SCN11A: variants seen among roughly 807,000 people sequenced by gnomAD.
The protein encoded by SCN11A is sodium voltage-gated channel alpha subunit 11.
In SCN11A, 122 loss-of-function variants were observed where a neutral mutation model predicts 162.2. The ratio of observed to expected loss-of-function variants is 0.75; its 90% confidence interval spans 0.65 to 0.87. The LOEUF (loss-of-function observed/expected upper bound fraction) is 0.87, where lower values mean the gene tolerates loss of function less well. Ranked by LOEUF, SCN11A falls within the 40% of genes least tolerant of loss-of-function variation. SCN11A has a pLI of 0.00. For missense variants in SCN11A, 2,015 were observed against 2,181.6 expected (o/e 0.92, Z 1.52); for synonymous variants, 758 against 751.5 (o/e 1.01, Z -0.14).
chr3:38,988,949 C>A (rs939491533), intron 2 of SCN11A, among the ~76,000 whole-genome samples: 4 of 152,156 alleles, frequency 2.6e-5, no homozygotes, highest in African/African-American at 9.7e-5. Context: ...TTTTTAAAAA[C>A]AATGGCTGCA....
chr3:38,911,886 C>T (rs991115643), intron 11 of SCN11A, among the ~76,000 whole-genome samples: 1 of 152,066 alleles, frequency 6.6e-6, no homozygotes, highest in African/African-American at 2.4e-5. Flanking sequence ...CTTTCTGGTT[C>T]TCTTGTTTTG....
At chr3:38,905,160 G>A (rs1278299900) in intron 15 of SCN11A, 32 bp downstream of exon 15, 1 of 1,613,304 alleles carries the variant, frequency 6.2e-7, no homozygotes, top group African/African-American at 1.3e-5. Flanking sequence ...CACTGAAGTA[G>A]ACTTTCCCTT....
chr3:38,931,586 T>C (rs7645777), intron 7 of SCN11A, among the ~76,000 whole-genome samples: 9,904 of 152,290 alleles, frequency 0.065, 1,042 homozygotes, highest in African/African-American at 0.22. Context: ...AGAGTGGGCA[T>C]TGCCCAGATT....
In SCN11A at chr3:38,850,466, G is replaced by A; in HGVS notation, c.4327+15C>T. 1.2e-6 allele frequency: 2 copies of A among 1,605,254 alleles called. No homozygotes were observed. The highest frequency in any genetic ancestry group is 8.5e-7 in the Non-Finnish European group (1 of 1,174,188). ...TCTGGTTCTTAAAGTCCCTCTGACT[G>A]CTGATTTTACTTACTAACAATGGAA... is the stretch of plus-strand genomic sequence containing the variant. On this transcript the variant is annotated intron_variant, in intron 29 of 29. Coordinates refer to ENST00000302328, the MANE Select transcript of SCN11A (RefSeq NM_001349253.2).
At chr3:38,928,430 T>C (rs2125555704) in intron 7 of SCN11A, among the ~76,000 whole-genome samples, 1 of 152,210 alleles carries the variant, frequency 6.6e-6, no homozygotes, top group Middle Eastern at 3.4e-3. Flanking sequence ...ATGTGGGGCT[T>C]AAAACCTAGA....
chr3:38,927,111 A>G (rs933993512), intron 7 of SCN11A, among the ~76,000 whole-genome samples, 180 bp from the exon 8 acceptor site: 2 of 152,176 alleles, frequency 1.3e-5, no homozygotes, highest in Non-Finnish European at 2.9e-5. Context: ...GGTATTTAGA[A>G]TTTCAGAGAA....
chr3:38,862,702 A>T (rs2064982975), intron 28 of SCN11A, among the ~76,000 whole-genome samples: 1 of 152,086 alleles, frequency 6.6e-6, no homozygotes, highest in African/African-American at 2.4e-5. Flanking sequence ...GAGGACATAA[A>T]GGCATAAGAA....
At chr3:38,974,002 A>C (rs978106262) in intron 2 of SCN11A, among the ~76,000 whole-genome samples, 2 of 152,246 alleles carry the variant, frequency 1.3e-5, no homozygotes, top group African/African-American at 4.8e-5. Flanking sequence ...GATTTTAGTA[A>C]AAATATCACC....
At chr3:38,953,343 A>C (rs1180191071) in intron 4 of SCN11A, among the ~76,000 whole-genome samples, 2 of 152,110 alleles carry the variant, frequency 1.3e-5, no homozygotes, top group African/African-American at 4.8e-5. Flanking sequence ...AATAATCTGT[A>C]CAACAAACCC....
At chr3:38,938,238 G>A (rs1022639315) in intron 7 of SCN11A, among the ~76,000 whole-genome samples, 6 of 151,816 alleles carry the variant, frequency 4.0e-5, no homozygotes, top group African/African-American at 1.5e-4. Flanking sequence ...TGTGGGGTGG[G>A]CGGAGTGGGG....
At chr3:38,879,897 C>T in intron 23 of SCN11A, 53 bp downstream of exon 23, 1 of 1,472,008 alleles carries the variant, frequency 6.8e-7, no homozygotes, top group African/African-American at 1.4e-5. Flanking sequence ...CCATATGATC[C>T]CTGCCTTAAC....
intron 4 of SCN11A, among the ~76,000 whole-genome samples, chr3:38,952,151 CG>C (rs1291406064): frequency 1.3e-5 from 2 of 152,024 alleles, no homozygotes; most frequent in Non-Finnish European, 2.9e-5. Flanking sequence ...CCTTAAGAGC[CG>C]TAACACTCAC....
intron 28 of SCN11A, among the ~76,000 whole-genome samples, chr3:38,861,651 T>C (rs915053964): frequency 6.6e-6 from 1 of 152,126 alleles, no homozygotes; most frequent in African/African-American, 2.4e-5. Context: ...AAGGACACCC[T>C]ATCCCACAAA....
At chr3:38,979,019 G>C (rs1000713912) in intron 2 of SCN11A, among the ~76,000 whole-genome samples, 3 of 152,178 alleles carry the variant, frequency 2.0e-5, no homozygotes, top group Non-Finnish European at 4.4e-5. Context: ...TCTACCTCAG[G>C]CCTCAGGGCG....
Position 38,907,950 on chromosome 3 carries a change from T to G in SCN11A, c.1472A>C (p.Lys491Thr). 1.9e-6 allele frequency: 3 copies of G among 1,595,822 alleles called. No individual in the cohort carries two copies. The highest frequency in any genetic ancestry group is 2.6e-6 in the Non-Finnish European group (3 of 1,174,390). The change falls in exon 14 of 30, where the codon AAG becomes ACG. Residue 491 changes from lysine (K) to threonine (T), a missense_variant and splice_region_variant. Lys to Thr is a moderately conservative substitution (Grantham distance 78). Transcript: ENST00000302328. ...GSDSDEDCQK[K>T]PQLLEQTKRL... ...ATTAATTCCCTGGAAAAGACTTACC[T>G]TTTTTTGGCAATCTTCATCAGAATC...
chr3:38,949,324 A>C (rs1479144049), intron 5 of SCN11A, among the ~76,000 whole-genome samples: 1 of 152,356 alleles, frequency 6.6e-6, no homozygotes, highest in East Asian at 1.9e-4. Flanking sequence ...CAAAGTTTAC[A>C]TTCCCTCACT....
intron 2 of SCN11A, among the ~76,000 whole-genome samples, chr3:38,961,517 C>A (rs1252941477): frequency 2.6e-5 from 4 of 152,112 alleles, no homozygotes; most frequent in Admixed American, 6.5e-5. Context: ...AAGCAGGAAT[C>A]AAAAATTCTA....
In SCN11A at chr3:38,846,919, G is replaced by A. The variant is rs1189203934; in HGVS notation, c.5151C>T (p.Leu1717=). 3.1e-6 allele frequency: 5 copies of A among 1,614,010 alleles called. No individual in the cohort carries two copies. The highest frequency in any genetic ancestry group is 2.2e-5 in the South Asian group (2 of 91,072). ...TGACTATGGGTTCATACAACTTCTT[G>A]AGAGGATTGGCTTCCATGAACTTCT... ...MEEKFMEANP[L]KKLYEPIVTT... is the part of the protein sequence containing the mutation. Residue 1717 remains leucine, a synonymous_variant, in exon 30 of 30, where the codon CTC becomes CTT. Coordinates refer to ENST00000302328, the MANE Select transcript of SCN11A (RefSeq NM_001349253.2).
intron 2 of SCN11A, among the ~76,000 whole-genome samples, chr3:38,963,930 A>G (rs1272508652): frequency 1.3e-5 from 2 of 152,252 alleles, no homozygotes; most frequent in East Asian, 1.9e-4. Context: ...TTTAAGTCAC[A>G]TTCAGACTTC....
Sources: gnomAD v4.1 joint callset for allele counts (sites outside exome capture counted in the v4.1 genomes callset) on GRCh38, gnomAD v4.1.1 for gene constraint, MANE v1.5 for transcripts, NCBI Gene and HGNC (gene_info 2026-07-23, HGNC 2026-07-21) for gene names.